CORO7: variants seen among roughly 807,000 people sequenced by gnomAD.
The protein encoded by CORO7 is coronin 7.
CORO7 carries 107 observed loss-of-function variants against 126.6 expected under a neutral mutation model. The ratio of observed to expected loss-of-function variants is 0.85; its 90% confidence interval spans 0.72 to 0.99. CORO7 has a LOEUF of 0.99. CORO7 is among the 50% of genes least tolerant of loss of function. CORO7 has a pLI of 0.00. For missense variants in CORO7, 1,314 were observed against 1,255.8 expected (o/e 1.05, Z -0.70); for synonymous variants, 603 against 536.8 (o/e 1.12, Z -1.70).
chr16:4,360,397 A>G, intron 20 of CORO7, 34 bp from the exon 21 acceptor site: 1 of 1,613,096 alleles, frequency 6.2e-7, no homozygotes. Context: ...CCCAGCCAGC[A>G]CCCCTGAACC....
intron 21 of CORO7, among the ~76,000 whole-genome samples, chr16:4,359,876 C>T (rs1377452275): frequency 2.0e-5 from 3 of 150,454 alleles, no homozygotes; most frequent in Non-Finnish European, 3.0e-5. Flanking sequence ...CCCAGAGCCC[C>T]TTGTGCACCC....
intron 9 of CORO7, chr16:4,381,045 G>T (rs777997851): frequency 6.2e-7 from 1 of 1,610,628 alleles, no homozygotes; most frequent in East Asian, 2.2e-5. Flanking sequence ...ACACGGTGGG[G>T]CTGTACGTCT....
rs1458347730 is a variant in CORO7, at chr16:4,361,488, C to A, written c.1579-19G>T. ...TCCGTAGCTGTGGGAGGTGCCCCCA[C>A]CCCGAGGCCCATCAGTACCAGGCAG... On this transcript the variant is annotated intron_variant, in intron 16 of 27. Coordinates refer to ENST00000251166, the MANE Select transcript of CORO7 (RefSeq NM_024535.5). The A allele has an allele frequency of 6.8e-6, 11 of 1,609,626 alleles. No individual in the cohort carries two copies. The highest frequency in any genetic ancestry group is 9.3e-6 in the Non-Finnish European group (11 of 1,179,364).
At chr16:4,381,753 G>A in intron 9 of CORO7, 1 of 1,603,096 alleles carries the variant, frequency 6.2e-7, no homozygotes, top group Non-Finnish European at 8.5e-7. Context: ...GCCTGCGGCT[G>A]CTGGCAGCTG....
intron 9 of CORO7, among the ~76,000 whole-genome samples, chr16:4,367,704 G>T (rs887751115): frequency 3.3e-5 from 5 of 152,130 alleles, no homozygotes; most frequent in African/African-American, 1.2e-4. Context: ...CCTGTGCAAA[G>T]GTCCTGTGGC....
chr16:4,403,861 C>A (rs1470283374), intron 6 of CORO7, among the ~76,000 whole-genome samples: 1 of 152,198 alleles, frequency 6.6e-6, no homozygotes, highest in Non-Finnish European at 1.5e-5. Flanking sequence ...ATCCCCTCTG[C>A]CTGGGACGCC....
rs1402075470 is a variant in CORO7 at position 4,405,496 on chromosome 16, A to G, written c.559T>C (p.Cys187Arg). 6.2e-7 allele frequency: 1 copy of G among 1,612,140 alleles called. No individual in the cohort carries two copies. Among genetic ancestry groups the G allele is most frequent in the Non-Finnish European group, 8.5e-7 (1 of 1,179,802 alleles). ...SRDGALVGTACKDKQLRIFDP... is the reference protein window; with the variant it reads ...SRDGALVGTARKDKQLRIFDP... ...ATCCCCACCTGCCTGCTCACCTTGC[A>G]CGCCGTGCCCACCAGGGCTCCATCT... Residue 187 changes from cysteine (C) to arginine (R), a missense_variant, in exon 6 of 28, where the codon TGC becomes CGC. Coordinates refer to ENST00000251166, the MANE Select transcript of CORO7 (RefSeq NM_024535.5).
chr16:4,412,991 C>T, intron 2 of CORO7: 1 of 317,918 alleles, frequency 3.1e-6, no homozygotes, highest in Non-Finnish European at 5.8e-6. Flanking sequence ...CCCCAGCCAT[C>T]CAGGGCCCAA....
chr16:4,388,676 G>A (rs768228146), intron 7 of CORO7, 45 bp from the exon 8 acceptor site: 11 of 1,576,526 alleles, frequency 7.0e-6, no homozygotes, highest in South Asian at 5.7e-5. Context: ...GGCCCTGCTG[G>A]TGGGCGGGGC....
intron 6 of CORO7, among the ~76,000 whole-genome samples, chr16:4,402,702 G>A (rs1295423004): frequency 6.6e-6 from 1 of 152,340 alleles, no homozygotes; most frequent in Non-Finnish European, 1.5e-5. Flanking sequence ...CCAGGGTTCA[G>A]AGTGGGCACT....
chr16:4,375,009 C>T (rs961404367), intron 9 of CORO7, among the ~76,000 whole-genome samples: 10 of 152,100 alleles, frequency 6.6e-5, no homozygotes, highest in East Asian at 5.8e-4. Flanking sequence ...TGCCGCGTGC[C>T]GAAAGTGGCA....
At chr16:4,399,056 A>T (rs2055707072) in intron 6 of CORO7, among the ~76,000 whole-genome samples, 1 of 152,190 alleles carries the variant, frequency 6.6e-6, no homozygotes, top group Non-Finnish European at 1.5e-5. Context: ...AAATGGTGCA[A>T]CTGCTATGGA....
intron 6 of CORO7, among the ~76,000 whole-genome samples, chr16:4,403,067 C>G (rs2055871732): frequency 6.6e-6 from 1 of 152,062 alleles, no homozygotes; most frequent in Admixed American, 6.5e-5. Flanking sequence ...TGACCCCCCA[C>G]CCCCATCCCC....
chr16:4,408,284 T>G (rs537183712), intron 3 of CORO7, 33 bp from the exon 4 acceptor site: 1 of 1,614,136 alleles, frequency 6.2e-7, no homozygotes, highest in East Asian at 2.2e-5. Context: ...CCCACCGGAA[T>G]GTCCTGTTTC....
intron 9 of CORO7, 113 bp from the exon 10 acceptor site, chr16:4,365,658 T>G: frequency 5.7e-6 from 8 of 1,392,868 alleles, no homozygotes; most frequent in Non-Finnish European, 6.9e-6. Flanking sequence ...CGCTTGGCCA[T>G]CCAGCCATGT....
At position 4,361,091 on chromosome 16, in the gene CORO7, G is replaced by A. The variant is rs946138181; in HGVS notation, c.1775-6C>T. 2.5e-6 allele frequency: 4 copies of A among 1,613,280 alleles called. No individual in the cohort carries two copies. The African/African-American group carries it at 5.3e-5, about 22-fold the overall frequency. ...GCAGATCTTCTCCGTGTGGCCTGGAGGAAGGCAGGGGTGATCAGGAGCCCT... is the reference window on the plus strand; with the variant it reads ...GCAGATCTTCTCCGTGTGGCCTGGAAGAAGGCAGGGGTGATCAGGAGCCCT... On this transcript the variant is annotated splice_polypyrimidine_tract_variant and splice_region_variant and intron_variant, in intron 18 of 27. Transcript: ENST00000251166.
intron 9 of CORO7, among the ~76,000 whole-genome samples, chr16:4,374,961 G>A (rs1036515959): frequency 1.3e-5 from 2 of 152,162 alleles, no homozygotes; most frequent in Non-Finnish European, 2.9e-5. Flanking sequence ...GCAGTGAGGA[G>A]GCCCCGTGTG....
intron 6 of CORO7, among the ~76,000 whole-genome samples, chr16:4,404,374 C>T (rs1299433242): frequency 6.6e-6 from 1 of 152,214 alleles, no homozygotes; most frequent in Admixed American, 6.5e-5. Flanking sequence ...CCCTTTGGCC[C>T]TGGTTTCAGG....
intron 26 of CORO7, chr16:4,356,860 C>G: frequency 2.4e-6 from 1 of 408,524 alleles, no homozygotes; most frequent in Non-Finnish European, 4.5e-6. Flanking sequence ...ACAAGGGCTA[C>G]TATCTCTGCA....
Sources: gnomAD v4.1 joint callset for allele counts (sites outside exome capture counted in the v4.1 genomes callset) on GRCh38, gnomAD v4.1.1 for gene constraint, MANE v1.5 for transcripts, NCBI Gene and HGNC (gene_info 2026-07-23, HGNC 2026-07-21) for gene names.